CREBBP: variants seen among roughly 807,000 people sequenced by gnomAD.
The protein encoded by CREBBP is CREB binding lysine acetyltransferase.
Under a neutral mutation model 265.0 loss-of-function variants are expected in CREBBP, and 19 were observed. The ratio of observed to expected loss-of-function variants is 0.07; its 90% CI spans 0.05 to 0.11. The LOEUF is 0.11. Among genes scored for constraint, CREBBP ranks in the 10% least tolerant of loss-of-function variants. CREBBP has a pLI of 1.00. For synonymous variants in CREBBP, 1,457 were observed against 1,223.7 expected (o/e 1.19, Z -3.98); for missense variants, 2,525 against 3,219.0 (o/e 0.78, Z 5.22).
intron 2 of CREBBP, among the ~76,000 whole-genome samples, chr16:3,847,544 A>G (rs1349570886): frequency 1.3e-5 from 2 of 152,162 alleles, no homozygotes; most frequent in East Asian, 3.9e-4. Context: ...GCTTTGAGAT[A>G]CCTATAGGAA....
Position 3,728,970 on chromosome 16 carries a change from A to T in CREBBP, c.6077T>A (p.Leu2026His), listed in dbSNP as rs748565790. Residue 2026 changes from leucine to histidine, a missense_variant, in exon 31 of 31, where the codon CTT (leucine) becomes CAT (histidine). Around this residue, in one of 19 missense-constraint regions of CREBBP, gnomAD observed 275 missense variants for 276.5 expected, o/e 0.99. Transcript: ENST00000262367. The surrounding 1 kb of genome is among the most constrained non-coding windows in gnomAD (Gnocchi z 8.7). ...MPPGQWQQAPLPQQQPMPGLP... is the reference protein window; with the variant it reads ...MPPGQWQQAPHPQQQPMPGLP... ...GCCTGGCATGGGCTGCTGCTGGGGAAGGGGCGCCTGCTGCCACTGCCCGGG... is the reference window on the plus strand; with the variant it reads ...GCCTGGCATGGGCTGCTGCTGGGGATGGGGCGCCTGCTGCCACTGCCCGGG... The T allele has an allele frequency of 1.7e-5, 27 of 1,596,528 alleles. No homozygotes were observed. The highest frequency in any genetic ancestry group is 2.0e-5 in the Non-Finnish European group (23 of 1,176,886).
At chr16:3,785,170 GC>G (rs1473721310) in intron 5 of CREBBP, among the ~76,000 whole-genome samples, 2 of 152,184 alleles carry the variant, frequency 1.3e-5, no homozygotes. Context: ...CTATGTATAA[GC>G]CACCATCAAC....
chr16:3,782,950 G>GAC, intron 5 of CREBBP, 24 bp from the exon 6 acceptor site: 2 of 1,614,000 alleles, frequency 1.2e-6, no homozygotes, highest in South Asian at 2.2e-5. Flanking sequence ...CAGACAGACA[G>GAC]ACAAAAACGA....
rs2151304418 is a variant in CREBBP at position 3,728,679 on chromosome 16, G to T, written c.6368C>A (p.Ser2123Tyr). The T allele has an allele frequency of 6.2e-7, 1 of 1,613,780 alleles. No individual in the cohort carries two copies. The highest frequency in any genetic ancestry group is 8.5e-7 in the Non-Finnish European group (1 of 1,179,918). The change falls in exon 31 of 31, where the codon TCC becomes TAC. Residue 2123 changes from serine to tyrosine, a missense_variant. Around this residue, in one of 19 missense-constraint regions of CREBBP, gnomAD observed 473 missense variants for 459.3 expected, o/e 1.03. Transcript: ENST00000262367. This position sits in a 1 kb window ranked among gnomAD's most constrained non-coding sequence, Gnocchi z 8.7. Reference protein sequence around the residue: ...PGMQPQPGLQSQPGMQPQPGM... With the variant: ...PGMQPQPGLQYQPGMQPQPGM... ...AGGCTGGGGTTGCATGCCGGGCTGG[G>T]ACTGGAGGCCAGGCTGGGGCTGCAT...
rs1314363300 is a variant in CREBBP at position 3,725,819 on chromosome 16, G to A, written c.*1899C>T. On this transcript the variant is annotated 3_prime_UTR_variant, in exon 31 of 31. Transcript: ENST00000262367. ...CCCAAACGGAAGCTATTTGGGGCGT[G>A]ATTTCTAAAATTACCATCACCCCCA... 4.3e-6 allele frequency: 1 copy of A among 233,092 alleles called. No individual in the cohort carries two copies. The highest frequency in any genetic ancestry group is 8.5e-6 in the Non-Finnish European group (1 of 118,018). 14.4% of individuals were successfully genotyped at this position (233,092 alleles called of 1,614,324 possible). A position where few individuals can be genotyped will look rare whatever the true frequency, so the allele number is the denominator to read the frequency against.
chr16:3,787,070 C>CAAAAAA (rs757962926), intron 5 of CREBBP, among the ~76,000 whole-genome samples: 1 of 86,994 alleles, frequency 1.1e-5, no homozygotes, highest in African/African-American at 4.2e-5. Context: ...GACTTCGTCT[C>CAAAAAA]AAAAAAAAAA....
chr16:3,877,924 G>A (rs1157559618), intron 1 of CREBBP, among the ~76,000 whole-genome samples: 2 of 152,178 alleles, frequency 1.3e-5, no homozygotes, highest in Non-Finnish European at 2.9e-5. Flanking sequence ...TAAAGGAAGG[G>A]GGAAAAGGTG....
chr16:3,745,154 C>G, intron 22 of CREBBP, 123 bp downstream of exon 22: 1 of 1,021,780 alleles, frequency 9.8e-7, no homozygotes, highest in Non-Finnish European at 1.5e-6. Context: ...TTAGAACCAA[C>G]TGCCATCTCT....
chr16:3,814,044 A>G (rs2053986500), intron 2 of CREBBP, among the ~76,000 whole-genome samples: 1 of 152,064 alleles, frequency 6.6e-6, no homozygotes, highest in African/African-American at 2.4e-5. Context: ...TATTTCCAAA[A>G]CTTCCCAGAT....
chr16:3,770,503 C>A (rs562218922), intron 14 of CREBBP, 67 bp downstream of exon 14: 1 of 1,578,308 alleles, frequency 6.3e-7, no homozygotes, highest in Non-Finnish European at 8.6e-7. Flanking sequence ...GCCTGACACA[C>A]AATTTTTATG....
chr16:3,744,772 G>C, intron 23 of CREBBP, 122 bp downstream of exon 23: 2 of 802,496 alleles, frequency 2.5e-6, no homozygotes, highest in Middle Eastern at 4.4e-4. Context: ...AAAAACTAAC[G>C]AAAATCTTTG....
intron 3 of CREBBP, among the ~76,000 whole-genome samples, chr16:3,802,881 G>T (rs1361383295): frequency 6.6e-6 from 1 of 152,058 alleles, no homozygotes; most frequent in African/African-American, 2.4e-5. Context: ...CCTCCACCTA[G>T]AATCAGAAAA....
In CREBBP at chr16:3,782,649, CAAGT is replaced by C. The variant is rs1213132958; in HGVS notation, c.1573+31_1573+34del. The C allele has an allele frequency of 3.1e-6, 5 of 1,612,238 alleles. No individual in the cohort carries two copies. In the African/African-American group the frequency reaches 4.0e-5, roughly 13 times the overall value. ...CTCCATTCCCTTTGCTGCATGTGGA[CAAGT>C]AAGAACGAAGTTGAGAGTTCCTTCA... On this transcript the variant is annotated intron_variant, in intron 6 of 30. Transcript: ENST00000262367.
At chr16:3,746,534 C>T (rs2052347256) in intron 21 of CREBBP, among the ~76,000 whole-genome samples, 1 of 152,290 alleles carries the variant, frequency 6.6e-6, no homozygotes, top group South Asian at 2.1e-4. Flanking sequence ...CTGAGCTCAT[C>T]CCCAACGCTA....
At chr16:3,807,302 C>T (rs1158120768) in intron 3 of CREBBP, among the ~76,000 whole-genome samples, 1 of 152,222 alleles carries the variant, frequency 6.6e-6, no homozygotes, top group East Asian at 1.9e-4. Flanking sequence ...CAGGAAAGAG[C>T]TGCAGAGGGC....
intron 3 of CREBBP, among the ~76,000 whole-genome samples, chr16:3,799,087 T>C (rs1049899937): frequency 6.6e-6 from 1 of 152,202 alleles, no homozygotes; most frequent in African/African-American, 2.4e-5. Flanking sequence ...CCACATATTC[T>C]GTGATTCAAT....
At chr16:3,854,519 G>C (rs960447904) in intron 1 of CREBBP, among the ~76,000 whole-genome samples, 1 of 152,182 alleles carries the variant, frequency 6.6e-6, no homozygotes, top group Non-Finnish European at 1.5e-5. Context: ...CATTTTAGCT[G>C]GAGTTTAACC....
At chr16:3,816,247 G>A (rs887295929) in intron 2 of CREBBP, among the ~76,000 whole-genome samples, 3 of 152,136 alleles carry the variant, frequency 2.0e-5, no homozygotes, top group South Asian at 2.1e-4. Context: ...GTGACCAAGC[G>A]TATCAATCAA....
intron 2 of CREBBP, among the ~76,000 whole-genome samples, chr16:3,820,192 C>G (rs2141376916): frequency 6.6e-6 from 1 of 152,348 alleles, no homozygotes; most frequent in Non-Finnish European, 1.5e-5. Context: ...TCTTGGCAAC[C>G]TACCATTGTT....
Sources: gnomAD v4.1 joint callset for allele counts (sites outside exome capture counted in the v4.1 genomes callset) on GRCh38, gnomAD v4.1.1 for gene constraint, gnomAD v4.1.1 regional missense constraint, Gnocchi (gnomAD v3.1) non-coding constraint, MANE v1.5 for transcripts, NCBI Gene and HGNC (gene_info 2026-07-23, HGNC 2026-07-21) for gene names.